The following CCDC178 variants were observed in gnomAD, a reference collection of about 807,000 sequenced individuals.
CCDC178 encodes the protein coiled-coil domain-containing protein 178.
CCDC178 carries 126 observed loss-of-function variants against 117.4 expected under a neutral mutation model. The observed-to-expected ratio is 1.07, with a 90% CI of 0.93 to 1.24. CCDC178 has a LOEUF of 1.24. Among genes scored for constraint, CCDC178 ranks in the 50% most tolerant of loss-of-function variants. CCDC178 has a pLI of 0.00. For missense variants in CCDC178, 1,030 were observed against 986.9 expected (o/e 1.04, Z -0.59); for synonymous variants, 283 against 313.4 (o/e 0.90, Z 1.02).
chr18:33,006,996 C>G (rs1180026303), intron 21 of CCDC178, among the ~76,000 whole-genome samples: 2 of 152,054 alleles, frequency 1.3e-5, no homozygotes. Context: ...CTGTTCAACT[C>G]TGTTTATGTA....
At chr18:32,966,923 A>G (rs2054825724) in intron 22 of CCDC178, among the ~76,000 whole-genome samples, 1 of 151,760 alleles carries the variant, frequency 6.6e-6, no homozygotes, top group South Asian at 2.1e-4. Flanking sequence ...TATACTTTAG[A>G]TTGCCATTTT....
chr18:33,288,926 A>G (rs2060134034), intron 12 of CCDC178, among the ~76,000 whole-genome samples: 1 of 152,168 alleles, frequency 6.6e-6, no homozygotes. Flanking sequence ...ATAGAGTCAG[A>G]GGGAAAGTGG....
chr18:33,126,660 C>T (rs918067962), intron 20 of CCDC178, among the ~76,000 whole-genome samples: 1 of 151,428 alleles, frequency 6.6e-6, no homozygotes, highest in Non-Finnish European at 1.5e-5. Flanking sequence ...TTTATTTTTA[C>T]TGTTTATTTT....
intron 21 of CCDC178, among the ~76,000 whole-genome samples, chr18:33,042,598 G>A (rs2056569541): frequency 6.6e-6 from 1 of 151,876 alleles, no homozygotes; most frequent in Non-Finnish European, 1.5e-5. Context: ...GGACAACTGG[G>A]AATGACAATA....
chr18:33,213,926 C>T (rs2059135311), intron 19 of CCDC178, among the ~76,000 whole-genome samples: 1 of 152,036 alleles, frequency 6.6e-6, no homozygotes, highest in Admixed American at 6.6e-5. Context: ...ATTTCTTAGT[C>T]CTTATTGGGG....
intron 20 of CCDC178, among the ~76,000 whole-genome samples, chr18:33,105,627 A>G (rs1460458956): frequency 6.6e-6 from 1 of 151,664 alleles, no homozygotes; most frequent in African/African-American, 2.4e-5. Context: ...GAAACATTTC[A>G]CAATTCATTT....
intron 21 of CCDC178, among the ~76,000 whole-genome samples, chr18:32,975,578 C>A (rs1202604903): frequency 1.3e-5 from 2 of 151,758 alleles, no homozygotes; most frequent in East Asian, 3.9e-4. Flanking sequence ...CTTAAAAATC[C>A]CAAACATTTA....
intron 5 of CCDC178, among the ~76,000 whole-genome samples, chr18:33,387,725 G>T (rs1599256133): frequency 6.6e-6 from 1 of 152,096 alleles, no homozygotes; most frequent in Admixed American, 6.6e-5. Context: ...ATTAATTAAA[G>T]ACTTAAATGT....
At chr18:32,979,820 T>A (rs986832635) in intron 21 of CCDC178, among the ~76,000 whole-genome samples, 1 of 152,172 alleles carries the variant, frequency 6.6e-6, no homozygotes, top group Non-Finnish European at 1.5e-5. Context: ...ATATATATAA[T>A]TTATCTTAAA....
At chr18:33,167,535 T>A (rs891979094) in intron 20 of CCDC178, among the ~76,000 whole-genome samples, 1 of 152,120 alleles carries the variant, frequency 6.6e-6, no homozygotes, top group African/African-American at 2.4e-5. Context: ...ATTTTTTTCA[T>A]ATGCTTGTTG....
intron 20 of CCDC178, among the ~76,000 whole-genome samples, chr18:33,116,583 T>A (rs9963691): frequency 3.5e-4 from 54 of 152,222 alleles, no homozygotes; most frequent in African/African-American, 1.3e-3. Context: ...CGTTGCTCAC[T>A]TTTCAAGTCC....
intron 6 of CCDC178, among the ~76,000 whole-genome samples, chr18:33,357,813 G>GATAT (rs35500149): frequency 7.0e-6 from 1 of 143,248 alleles, no homozygotes. Context: ...AAAATTATAT[G>GATAT]ATATATATAT....
intron 21 of CCDC178, among the ~76,000 whole-genome samples, chr18:33,060,658 G>A (rs993843244): frequency 2.0e-5 from 3 of 151,954 alleles, no homozygotes; most frequent in African/African-American, 7.2e-5. Context: ...TGATGCTTAA[G>A]ACAAAACACT....
chr18:33,221,851 T>C (rs1238886891), intron 18 of CCDC178, among the ~76,000 whole-genome samples: 3 of 152,216 alleles, frequency 2.0e-5, no homozygotes, highest in African/African-American at 7.2e-5. Flanking sequence ...CTGACCTTAA[T>C]TGGCTAAGTG....
At chr18:33,001,350 T>C (rs2055628702) in intron 21 of CCDC178, among the ~76,000 whole-genome samples, 2 of 151,620 alleles carry the variant, frequency 1.3e-5, no homozygotes, top group African/African-American at 4.8e-5. Context: ...AAACCCCTAC[T>C]AAAATACAAA....
At chr18:32,963,301 C>T (rs1407271641) in intron 22 of CCDC178, among the ~76,000 whole-genome samples, 1 of 152,022 alleles carries the variant, frequency 6.6e-6, no homozygotes, top group East Asian at 1.9e-4. Context: ...CTTTCCCCAC[C>T]TCACAGTGTT....
chr18:33,244,287 C>A (rs1439266053), intron 15 of CCDC178, among the ~76,000 whole-genome samples: 1 of 151,758 alleles, frequency 6.6e-6, no homozygotes, highest in Non-Finnish European at 1.5e-5. Flanking sequence ...ACAGGAGACA[C>A]GTATGTGTGT....
At chr18:33,014,522 T>A (rs1312308286) in intron 21 of CCDC178, among the ~76,000 whole-genome samples, 1 of 152,226 alleles carries the variant, frequency 6.6e-6, no homozygotes, top group African/African-American at 2.4e-5. Context: ...TAGGGCAGTT[T>A]ACATTCTCAG....
intron 12 of CCDC178, among the ~76,000 whole-genome samples, chr18:33,282,388 G>T (rs1443769304): frequency 6.6e-6 from 1 of 152,144 alleles, no homozygotes; most frequent in Non-Finnish European, 1.5e-5. Flanking sequence ...TCCTGTGAGA[G>T]ACTTCAGCCC....
Sources: allele counts gnomAD v4.1 joint callset (sites outside exome capture counted in the v4.1 genomes callset), GRCh38; gene constraint gnomAD v4.1.1; transcripts MANE v1.5; gene names NCBI Gene and HGNC (gene_info 2026-07-23, HGNC 2026-07-21).